SMIM7: variants seen among roughly 807,000 people sequenced by gnomAD.
SMIM7 encodes small integral membrane protein 7, also known as UPF0608 protein C19orf42.
SMIM7 carries 12 observed loss-of-function variants against 13.3 expected under a neutral mutation model. The observed-to-expected ratio is 0.90, with a 90% CI of 0.58 to 1.46. The LOEUF (loss-of-function observed/expected upper bound fraction) is 1.46, where lower values mean the gene tolerates loss of function less well. Ranked by LOEUF, SMIM7 falls within the 40% of genes most tolerant of loss-of-function variation. SMIM7 has a pLI of 0.00. For missense variants in SMIM7, 114 were observed against 94.8 expected, an observed-to-expected ratio of 1.20 and a Z score of -0.84; for synonymous variants, 36 against 35.8, an observed-to-expected ratio of 1.01 and a Z score of -0.02.
At chr19:16,652,494 C>T (rs1335411900) in intron 4 of SMIM7, 4 of 1,014,298 alleles carry the variant, frequency 3.9e-6, no homozygotes, top group Non-Finnish European at 4.7e-6. Context: ...GAGCCACTGC[C>T]CCTGGCCGTT....
chr19:16,648,244 G>A (rs982774907), intron 4 of SMIM7, among the ~76,000 whole-genome samples: 2 of 152,176 alleles, frequency 1.3e-5, no homozygotes, highest in Non-Finnish European at 2.9e-5. Flanking sequence ...GGGTTCAAGC[G>A]ATTCTCATGC....
downstream of SMIM7, chr19:16,644,890 A>C (rs774805632): frequency 2.6e-5 from 4 of 152,168 alleles, no homozygotes; most frequent in African/African-American, 7.2e-5. Flanking sequence ...AACTTACAAC[A>C]ACCTTAGGCA....
chr19:16,652,496 CT>C (rs2122533947), intron 4 of SMIM7: 1 of 1,018,666 alleles, frequency 9.8e-7, no homozygotes, highest in African/African-American at 1.7e-5. Flanking sequence ...GCCACTGCCC[CT>C]GGCCGTTCCT....
intron 4 of SMIM7, chr19:16,652,255 G>A (rs113077488): frequency 0.082 from 12,519 of 152,408 alleles, 775 homozygotes; most frequent in African/African-American, 0.17. Flanking sequence ...AGGCTGGAGT[G>A]CAGTGGCAGG....
chr19:16,638,957 C>T (rs2086381699), intron 4 of SMIM7: 1 of 152,198 alleles, frequency 6.6e-6, no homozygotes, highest in Non-Finnish European at 1.5e-5. Flanking sequence ...TTCTCATGCA[C>T]ACAATGTACT....
chr19:16,653,605 A>AC (rs1195502775), intron 4 of SMIM7: 23 of 167,404 alleles, frequency 1.4e-4, no homozygotes, highest in Non-Finnish European at 2.8e-4. Flanking sequence ...AAACAAACAA[A>AC]AAAAACAGGG....
chr19:16,647,737 T>C (rs1280271201), intron 4 of SMIM7, among the ~76,000 whole-genome samples: 1 of 151,998 alleles, frequency 6.6e-6, no homozygotes, highest in African/African-American at 2.4e-5. Context: ...ATTACAGGCG[T>C]GAGCCACTCC....
At chr19:16,635,899 A>AAAAAAAAAAAAAAAAAAATATAT (rs1200181092) in intron 4 of SMIM7, among the ~76,000 whole-genome samples, 2 of 109,600 alleles carry the variant, frequency 1.8e-5, no homozygotes, top group African/African-American at 8.7e-5. Context: ...AAAAAAAAAA[A>AAAAAAAAAAAAAAAAAAATATAT]ATATATATAT....
At chr19:16,659,881 G>C in intron 2 of SMIM7, 78 bp downstream of exon 2, 1 of 1,530,624 alleles carries the variant, frequency 6.5e-7, no homozygotes, top group Non-Finnish European at 8.8e-7. Context: ...GGCCTGAGAA[G>C]TGCGCCGAGA....
chr19:16,638,479 A>AT (rs569806211), intron 4 of SMIM7, among the ~76,000 whole-genome samples: 1,603 of 150,362 alleles, frequency 0.011, 10 homozygotes, highest in Non-Finnish European at 0.018. Flanking sequence ...AATTTTTGTA[A>AT]TTTTTTTTAG....
intron 4 of SMIM7, chr19:16,634,835 A>G (rs2086347245): frequency 6.6e-6 from 1 of 151,926 alleles, no homozygotes; most frequent in African/African-American, 2.4e-5. Context: ...TACTCACAGA[A>G]AGACGTGCGT....
At chr19:16,633,128 G>A (rs1349551081) in intron 4 of SMIM7, among the ~76,000 whole-genome samples, 2 of 152,144 alleles carry the variant, frequency 1.3e-5, no homozygotes, top group African/African-American at 2.4e-5. Flanking sequence ...GCCTCAATGT[G>A]AGCGGTGACC....
At chr19:16,654,187 G>A in intron 3 of SMIM7, 62 bp from the exon 4 acceptor site, 1 of 1,436,490 alleles carries the variant, frequency 7.0e-7, no homozygotes, top group Non-Finnish European at 9.8e-7. Flanking sequence ...TGCCACCTCA[G>A]CAGTGGATTT....
intron 4 of SMIM7, chr19:16,634,218 G>A (rs2086342226): frequency 6.6e-6 from 1 of 152,194 alleles, no homozygotes; most frequent in Non-Finnish European, 1.5e-5. Context: ...ACAACAGGGA[G>A]TGACATTTGT....
At chr19:16,637,713 A>G (rs1280222234) in intron 4 of SMIM7, among the ~76,000 whole-genome samples, 1 of 152,136 alleles carries the variant, frequency 6.6e-6, no homozygotes, top group East Asian at 1.9e-4. Flanking sequence ...GGTGCCTCCT[A>G]CACCACACTA....
chr19:16,654,915 T>C (rs1433188581), intron 3 of SMIM7, among the ~76,000 whole-genome samples: 2 of 152,110 alleles, frequency 1.3e-5, no homozygotes, highest in African/African-American at 4.8e-5. Flanking sequence ...TGTGGCCCTC[T>C]ACAGAAAAAC....
intron 4 of SMIM7, among the ~76,000 whole-genome samples, chr19:16,637,548 G>A (rs2086368716): frequency 6.6e-6 from 1 of 152,298 alleles, no homozygotes; most frequent in Admixed American, 6.5e-5. Flanking sequence ...TCCCCAGCCT[G>A]TTAGGCAGAA....
chr19:16,631,176 G>C (rs1288858143), exon 5 of SMIM7: 1 of 152,114 alleles, frequency 6.6e-6, no homozygotes, highest in African/African-American at 2.4e-5. Context: ...TTTGAGGTAA[G>C]GAGTTAAGAG....
At position 16,659,869 on chromosome 19, in the gene SMIM7, G is replaced by A. The variant is rs971115750; in HGVS notation, c.68+90C>T. 34 of 1,508,420 alleles carry A rather than the reference G, an allele frequency of 2.3e-5. No individual in the cohort carries two copies. In the African/African-American group the frequency reaches 4.6e-4, roughly 20 times the overall value. The allele number at this position is 1,508,420 out of a possible 1,614,324, so 93.4% of individuals were successfully genotyped here. On this transcript the variant is annotated intron_variant, in intron 2 of 4. Coordinates refer to ENST00000487416, the MANE Select transcript of SMIM7 (RefSeq NM_024104.4). ...AGGGCGGGGCCTGCGGCTTGGGGGC[G>A]GGGCCTGAGAAGTGCGCCGAGATCA...
Sources: gnomAD v4.1 joint callset for allele counts (sites outside exome capture counted in the v4.1 genomes callset) on GRCh38, gnomAD v4.1.1 for gene constraint, MANE v1.5 for transcripts, NCBI Gene and HGNC (gene_info 2026-07-23, HGNC 2026-07-21) for gene names.